CAPN13: variants seen among roughly 807,000 people sequenced by gnomAD.
CAPN13 encodes the protein calpain 13, also known as calpain-13.
A neutral mutation model predicts 98.4 loss-of-function variants in CAPN13; 90 were observed. The observed-to-expected ratio is 0.92, with a 90% CI of 0.77 to 1.09. The LOEUF (loss-of-function observed/expected upper bound fraction) is 1.09. Ranked by LOEUF, CAPN13 falls within the 50% of genes least tolerant of loss-of-function variation. The pLI is 0.00. For missense variants in CAPN13, 887 were observed against 841.3 expected, an observed-to-expected ratio of 1.05 and a Z score of -0.67; for synonymous variants, 330 against 305.5, an observed-to-expected ratio of 1.08 and a Z score of -0.84.
chr2:30,727,840 C>A (rs1449519141), intron 22 of CAPN13, among the ~76,000 whole-genome samples: 1 of 151,984 alleles, frequency 6.6e-6, no homozygotes, highest in East Asian at 1.9e-4. Flanking sequence ...TATGTCCCCC[C>A]AAAAACCTGT....
chr2:30,736,762 A>G (rs748481337), intron 17 of CAPN13, 191 bp from the exon 18 acceptor site: 33 of 588,492 alleles, frequency 5.6e-5, no homozygotes, highest in Non-Finnish European at 7.6e-5. Context: ...TTTTACAAAG[A>G]AAAATGGGCA....
rs976422773 is a variant in CAPN13, at chr2:30,745,932, G to A, written c.1237-198C>T. On this transcript the variant is annotated intron_variant, in intron 11 of 22. Coordinates refer to ENST00000295055, the MANE Select transcript of CAPN13 (RefSeq NM_144575.3). ...TTTTTTTTTTTTGAGATGGAGTCTC[G>A]CTCTGTCACCCAGGCTGGAGTGCAA... 1.1e-4 allele frequency among the ~76,000 whole-genome samples: 13 copies of A among 113,900 alleles called. 1 individual carries two copies. The highest frequency in any genetic ancestry group is 4.2e-4 in the African/African-American group (12 of 28,692). The allele number at this position is 113,900 out of a possible 152,430, so 74.7% of individuals were successfully genotyped here. A position where few individuals can be genotyped will look rare whatever the true frequency, so the allele number is the denominator to read the frequency against.
intron 22 of CAPN13, among the ~76,000 whole-genome samples, chr2:30,727,169 A>G (rs1347041589): frequency 1.3e-5 from 2 of 152,234 alleles, no homozygotes; most frequent in African/African-American, 4.8e-5. Flanking sequence ...ACTTCACACC[A>G]TATAAAAAAT....
intron 1 of CAPN13, among the ~76,000 whole-genome samples, chr2:30,787,714 A>G (rs1674372580): frequency 6.6e-6 from 1 of 152,190 alleles, no homozygotes; most frequent in African/African-American, 2.4e-5. Flanking sequence ...GCAGAGGCCC[A>G]TGAGTTGCAT....
In CAPN13 at chr2:30,722,874, G is replaced by A. The variant is rs1670740611; in HGVS notation, c.*393C>T. On this transcript the variant is annotated 3_prime_UTR_variant, in exon 23 of 23. Transcript: ENST00000295055. ...TGCAAACACCCAGTGGACAGCTCTT[G>A]TGTCACCCATAGCACCCGAGGGTGG... 1 of 152,250 alleles carries A rather than the reference G, an allele frequency of 6.6e-6. No homozygotes were observed. The highest frequency in any genetic ancestry group is 2.1e-4 in the South Asian group (1 of 4,832). The allele number at this position is 152,250 out of a possible 1,614,324, so 9.4% of individuals were successfully genotyped here.
At chr2:30,778,218 G>A (rs533426048) in intron 2 of CAPN13, among the ~76,000 whole-genome samples, 1 of 152,302 alleles carries the variant, frequency 6.6e-6, no homozygotes, top group East Asian at 1.9e-4. Flanking sequence ...TGTGTGAGGA[G>A]CTGGTACTCA....
chr2:30,796,646 A>G (rs901686468), intron 1 of CAPN13, among the ~76,000 whole-genome samples: 1 of 152,222 alleles, frequency 6.6e-6, no homozygotes, highest in African/African-American at 2.4e-5. Flanking sequence ...TTCAAAACCA[A>G]GAAGATGAAA....
intron 1 of CAPN13, among the ~76,000 whole-genome samples, chr2:30,805,410 C>T (rs908237973): frequency 2.6e-5 from 4 of 152,100 alleles, no homozygotes; most frequent in African/African-American, 9.7e-5. Flanking sequence ...ACTCTCACTC[C>T]CCTGGTGTCT....
In CAPN13 at chr2:30,738,274, G is replaced by C. The variant is rs755521219; in HGVS notation, c.1614C>G (p.Phe538Leu). 6.2e-7 allele frequency: 1 copy of C among 1,613,970 alleles called. No individual in the cohort carries two copies. The highest frequency in any genetic ancestry group is 8.5e-7 in the Non-Finnish European group (1 of 1,179,882). ...ELLTGPPGDM[F>L]SLDECRSLVA... ...CCAAGCTGCGGCACTCATCTAAGGA[G>C]AACATGTCCCCTGGAGGTCCTGAGG... The change falls in exon 17 of 23, where the codon TTC becomes TTG. Residue 538 changes from phenylalanine to leucine, a missense_variant. Transcript: ENST00000295055.
chr2:30,736,899 C>A (rs776461503), intron 17 of CAPN13, among the ~76,000 whole-genome samples: 5 of 152,112 alleles, frequency 3.3e-5, no homozygotes, highest in Non-Finnish European at 5.9e-5. Context: ...GGGAGGAGCA[C>A]GAAGGGTCAT....
chr2:30,750,973 C>T (rs1419274748), intron 11 of CAPN13, 130 bp downstream of exon 11: 2 of 1,026,940 alleles, frequency 1.9e-6, no homozygotes, highest in Non-Finnish European at 2.8e-6. Context: ...ATGAATGCTA[C>T]AGCCTCTTTG....
intron 2 of CAPN13, among the ~76,000 whole-genome samples, chr2:30,779,029 G>C (rs1558333252): frequency 6.6e-6 from 1 of 152,202 alleles, no homozygotes. Flanking sequence ...CTCTCTACTG[G>C]AAAAGGGGAC....
chr2:30,738,748 C>T (rs1671507815), intron 15 of CAPN13, among the ~76,000 whole-genome samples: 1 of 152,184 alleles, frequency 6.6e-6, no homozygotes, highest in Non-Finnish European at 1.5e-5. Context: ...TTGCCACTAT[C>T]TCTGGCACTG....
intron 7 of CAPN13, among the ~76,000 whole-genome samples, chr2:30,758,805 TCCCTTCCC>T (rs1558314693): frequency 2.6e-4 from 21 of 80,712 alleles, no homozygotes; most frequent in African/African-American, 1.2e-3. Flanking sequence ...CCTTCCTCCC[TCCCTTCCC>T]TTCCTCCCTT....
intron 18 of CAPN13, among the ~76,000 whole-genome samples, 191 bp downstream of exon 18, chr2:30,736,312 A>C (rs1157076911): frequency 6.6e-6 from 1 of 152,158 alleles, no homozygotes; most frequent in Non-Finnish European, 1.5e-5. Flanking sequence ...TCCGCCACCT[A>C]ATTAGGCATT....
chr2:30,785,680 A>G (rs1174651109), intron 2 of CAPN13, among the ~76,000 whole-genome samples: 1 of 152,226 alleles, frequency 6.6e-6, no homozygotes, highest in Admixed American at 6.5e-5. Flanking sequence ...TCCTTTCTAA[A>G]GAGAAGTGTT....
rs1572828443 is a variant in CAPN13 at position 30,758,418 on chromosome 2, A to G, written c.775-281T>C. Among the ~76,000 whole-genome samples, 8 of 152,338 alleles carry G rather than the reference A, an allele frequency of 5.3e-5. No homozygotes were observed. In the South Asian group the frequency reaches 1.7e-3, roughly 32 times the overall value. ...CCCTAAGACTGAATCCCAGAACCTG[A>G]GTGAGTTGAGATTTAATAGCAGATA... On this transcript the variant is annotated intron_variant, in intron 7 of 22. Coordinates refer to ENST00000295055, the MANE Select transcript of CAPN13 (RefSeq NM_144575.3).
chr2:30,746,950 G>A (rs2147979758), intron 11 of CAPN13, among the ~76,000 whole-genome samples: 1 of 152,338 alleles, frequency 6.6e-6, no homozygotes, highest in South Asian at 2.1e-4. Flanking sequence ...GATTTTGACA[G>A]ATAGCACAGA....
At chr2:30,758,264 A>G (rs1448734387) in intron 7 of CAPN13, 127 bp from the exon 8 acceptor site, 1 of 645,612 alleles carries the variant, frequency 1.5e-6, no homozygotes, top group African/African-American at 1.9e-5. Context: ...CTGCAGCCAG[A>G]AAAAAAATTG....
Sources: allele counts gnomAD v4.1 joint callset (sites outside exome capture counted in the v4.1 genomes callset), GRCh38; gene constraint gnomAD v4.1.1; transcripts MANE v1.5; gene names NCBI Gene and HGNC (gene_info 2026-07-23, HGNC 2026-07-21).